Variants in ILKAP observed in about 807,000 individuals in gnomAD.
ILKAP encodes the protein ILK associated serine/threonine phosphatase.
Under a neutral mutation model 49.1 loss-of-function variants are expected in ILKAP, and 11 were observed. That is an observed-to-expected ratio of 0.22 (90% CI 0.14 to 0.37). ILKAP has a LOEUF of 0.37. Among genes scored for constraint, ILKAP ranks in the 10% least tolerant of loss-of-function variants. The pLI, the probability that ILKAP is intolerant of heterozygous loss-of-function variation, is 1.00. For synonymous variants in ILKAP, 186 were observed against 192.8 expected (o/e 0.96, Z 0.29); for missense variants, 363 against 510.8 (o/e 0.71, Z 2.79).
At chr2:238,179,495 T>C (rs1024009822) in intron 9 of ILKAP, among the ~76,000 whole-genome samples, 1 of 152,352 alleles carries the variant, frequency 6.6e-6, no homozygotes, top group Non-Finnish European at 1.5e-5. Flanking sequence ...TTGACATCCC[T>C]GATGAAATAA....
At chr2:238,189,321 A>G (rs78659076) in intron 4 of ILKAP, among the ~76,000 whole-genome samples, 20,958 of 152,104 alleles carry the variant, frequency 0.14, 1,730 homozygotes, top group Middle Eastern at 0.22. Context: ...AAAAAAAGAG[A>G]AAAAAAGAAA....
At chr2:238,190,961 C>T (rs1481719323) in intron 3 of ILKAP, among the ~76,000 whole-genome samples, 2 of 137,188 alleles carry the variant, frequency 1.5e-5, no homozygotes, top group African/African-American at 5.4e-5. Flanking sequence ...ATTTCTTCTT[C>T]TTTTTGTTTT....
intron 1 of ILKAP, among the ~76,000 whole-genome samples, chr2:238,197,245 C>T (rs1328068121): frequency 1.3e-5 from 2 of 152,188 alleles, no homozygotes; most frequent in South Asian, 2.1e-4. Flanking sequence ...TGTATTAATC[C>T]ACTTACAAGA....
At chr2:238,184,242 T>C (rs1309465457) in intron 6 of ILKAP, 129 bp from the exon 7 acceptor site, 5 of 638,188 alleles carry the variant, frequency 7.8e-6, no homozygotes, top group Non-Finnish European at 1.4e-5. Context: ...CAGGCTGGAA[T>C]GCAGTGGCGC....
At chr2:238,182,761 T>C (rs1235238150) in intron 8 of ILKAP, among the ~76,000 whole-genome samples, 2 of 152,212 alleles carry the variant, frequency 1.3e-5, no homozygotes, top group Non-Finnish European at 2.9e-5. Context: ...TGTCTTTGTT[T>C]TTTTGCCAAT....
rs375948527 is a variant in ILKAP, at chr2:238,189,904, C to T, written c.247G>A (p.Glu83Lys). Residue 83 changes from glutamate (E) to lysine (K), a missense_variant, in exon 4 of 12, where the codon GAG (glutamate) becomes AAG (lysine). Transcript: ENST00000254654. ...TCTTCACTGCCATTCTTCTCTTCCT[C>T]GGAGGTTTTTCTCTTTGCTCCTTTC... ...EGKGAKRKTS[E>K]EEKNGSEELV... 9.3e-6 allele frequency: 15 copies of T among 1,613,860 alleles called. No individual in the cohort carries two copies. The highest frequency in any genetic ancestry group is 1.6e-4 in the Middle Eastern group (1 of 6,082).
chr2:238,176,135 C>CTTTTTTTTTTTTTTTTTTTT (rs55849458), intron 9 of ILKAP, among the ~76,000 whole-genome samples: 1 of 98,014 alleles, frequency 1.0e-5, no homozygotes, highest in Non-Finnish European at 1.8e-5. Context: ...CAAGTAGTGG[C>CTTTTTTTTTTTTTTTTTTTT]TTTTTTTTTT....
chr2:238,183,990 A>T lies in ILKAP; in HGVS notation c.626+30T>A, dbSNP rs1175365632. On this transcript the variant is annotated intron_variant, in intron 7 of 11. Coordinates refer to ENST00000254654, the MANE Select transcript of ILKAP (RefSeq NM_030768.3). ...TTTAGGAAAACACCACACACAGTCC[A>T]CTCAAACTTCATCATCAAGTTATAC... 4 of 1,307,992 alleles carry T rather than the reference A, an allele frequency of 3.1e-6. No homozygotes were observed. In the East Asian group the frequency reaches 9.2e-5, roughly 30 times the overall value. 81.0% of individuals were successfully genotyped at this position (1,307,992 alleles called of 1,614,324 possible). A position where few individuals can be genotyped will look rare whatever the true frequency, so the allele number is the denominator to read the frequency against.
chr2:238,184,201 A>AT (rs1158283126), intron 6 of ILKAP, 88 bp from the exon 7 acceptor site: 8 of 834,836 alleles, frequency 9.6e-6, no homozygotes, highest in East Asian at 2.5e-5. Context: ...TTTTTGTTTT[A>AT]TTTTTTTGAG....
At chr2:238,179,951 A>C (rs1393857381) in intron 9 of ILKAP, among the ~76,000 whole-genome samples, 1 of 152,154 alleles carries the variant, frequency 6.6e-6, no homozygotes, top group Non-Finnish European at 1.5e-5. Flanking sequence ...TGGGAGGCCA[A>C]GGCAGAAGGA....
chr2:238,202,579 A>G (rs1694613817), intron 1 of ILKAP, among the ~76,000 whole-genome samples: 1 of 152,164 alleles, frequency 6.6e-6, no homozygotes, highest in South Asian at 2.1e-4. Context: ...ACTGGGGCTG[A>G]GGTGGGCCTG....
intron 9 of ILKAP, among the ~76,000 whole-genome samples, chr2:238,179,585 G>C (rs1260059960): frequency 6.6e-6 from 1 of 152,142 alleles, no homozygotes; most frequent in Non-Finnish European, 1.5e-5. Context: ...AACCTCCCCA[G>C]ATTACCTGCT....
intron 10 of ILKAP, among the ~76,000 whole-genome samples, chr2:238,172,067 G>A (rs980354471): frequency 6.6e-6 from 1 of 151,734 alleles, no homozygotes; most frequent in Non-Finnish European, 1.5e-5. Flanking sequence ...TGCTGTTGTT[G>A]TTGAGGCGGA....
intron 3 of ILKAP, among the ~76,000 whole-genome samples, chr2:238,193,714 C>A (rs1694236832): frequency 6.6e-6 from 1 of 152,158 alleles, no homozygotes; most frequent in Non-Finnish European, 1.5e-5. Context: ...AATGGGATTA[C>A]CTGCATTCCC....
intron 1 of ILKAP, among the ~76,000 whole-genome samples, chr2:238,196,112 G>A (rs1252530808): frequency 4.7e-5 from 1 of 21,462 alleles, no homozygotes; most frequent in Non-Finnish European, 1.0e-4. Context: ...TTTTTTTTTT[G>A]AGACTGAGTC....
chr2:238,183,032 G>A (rs561935340), intron 8 of ILKAP, among the ~76,000 whole-genome samples: 5 of 152,252 alleles, frequency 3.3e-5, no homozygotes, highest in East Asian at 1.9e-4. Flanking sequence ...GTGAAAAAGC[G>A]GCAACGGAAC....
intron 7 of ILKAP, 85 bp downstream of exon 7, chr2:238,183,935 T>G: frequency 2.0e-6 from 2 of 1,023,644 alleles, no homozygotes; most frequent in East Asian, 2.4e-5. Context: ...TGAGCAATAG[T>G]GTTAAACCAC....
At chr2:238,192,122 A>G (rs1394190350) in intron 3 of ILKAP, among the ~76,000 whole-genome samples, 1 of 151,092 alleles carries the variant, frequency 6.6e-6, no homozygotes, top group Non-Finnish European at 1.5e-5. Context: ...TTAGACAGGA[A>G]CTTGAACCCG....
intron 3 of ILKAP, among the ~76,000 whole-genome samples, chr2:238,191,762 A>G (rs1177809853): frequency 6.6e-6 from 1 of 152,126 alleles, no homozygotes; most frequent in African/African-American, 2.4e-5. Flanking sequence ...ACAAAAAATT[A>G]GCCGGGCATG....
Sources: allele counts gnomAD v4.1 joint callset (sites outside exome capture counted in the v4.1 genomes callset), GRCh38; gene constraint gnomAD v4.1.1; transcripts MANE v1.5; gene names NCBI Gene and HGNC (gene_info 2026-07-23, HGNC 2026-07-21).